Variants in CA9 observed in about 807,000 individuals in gnomAD.
The protein encoded by CA9 is carbonic anhydrase 9.
A neutral mutation model predicts 51.8 loss-of-function variants in CA9; 43 were observed. That is an observed-to-expected ratio of 0.83 (90% CI 0.65 to 1.07). The LOEUF is 1.07. Among genes scored for constraint, CA9 ranks in the 50% least tolerant of loss-of-function variants. CA9 has a pLI of 0.00. For synonymous variants in CA9, 253 were observed against 244.2 expected, an observed-to-expected ratio of 1.04 and a Z score of -0.34; for missense variants, 574 against 581.4, an observed-to-expected ratio of 0.99 and a Z score of 0.13.
chr9:35,675,864 C>G lies in CA9; in HGVS notation c.537C>G (p.Pro179=), dbSNP rs1247259944. ...CCGCCTTCTGCCCGGCCCTGCGCCC[C>G]CTGGAACTCCTGGGCTTCCAGCTCC... is the stretch of plus-strand genomic sequence containing the variant. ...QLAAFCPALR[P]LELLGFQLPP... The change falls in exon 3 of 11, where the codon CCC becomes CCG. Residue 179 remains proline (P), a synonymous_variant. Coordinates refer to ENST00000378357, the MANE Select transcript of CA9 (RefSeq NM_001216.3). 6 of 1,606,048 alleles carry G rather than the reference C, an allele frequency of 3.7e-6. No individual in the cohort carries two copies. Among genetic ancestry groups the G allele is most frequent in the Non-Finnish European group, 5.1e-6 (6 of 1,179,400 alleles).
At chr9:35,678,835 G>T (rs1587946450) in intron 6 of CA9, among the ~76,000 whole-genome samples, 1 of 151,036 alleles carries the variant, frequency 6.6e-6, no homozygotes, top group African/African-American at 2.4e-5. Flanking sequence ...TTTTTAATTT[G>T]CTCTGGGCTT....
At chr9:35,678,742 C>T (rs1196116662) in intron 6 of CA9, among the ~76,000 whole-genome samples, 1 of 141,908 alleles carries the variant, frequency 7.0e-6, no homozygotes, top group Non-Finnish European at 1.5e-5. Flanking sequence ...CAGGGTTTCA[C>T]CATATTGGCC....
chr9:35,680,943 C>G (rs1824537723), intron 10 of CA9, 22 bp from the exon 11 acceptor site: 6 of 1,613,662 alleles, frequency 3.7e-6, no homozygotes, highest in Non-Finnish European at 5.1e-6. Flanking sequence ...TCTGATTAGC[C>G]TTTCCTGTTG....
At chr9:35,680,292 C>T (rs899962652) in intron 9 of CA9, among the ~76,000 whole-genome samples, 153 bp downstream of exon 9, 3 of 152,208 alleles carry the variant, frequency 2.0e-5, no homozygotes. Flanking sequence ...TGGGGATTCC[C>T]CCATTGTCCC....
chr9:35,679,096 G>A, intron 6 of CA9, 89 bp from the exon 7 acceptor site: 2 of 1,425,736 alleles, frequency 1.4e-6, no homozygotes, highest in Non-Finnish European at 1.9e-6. Context: ...AGTTACCTTG[G>A]CTTCTGGGAG....
intron 2 of CA9, 86 bp from the exon 3 acceptor site, chr9:35,675,675 C>CGG: frequency 2.1e-6 from 3 of 1,413,862 alleles, no homozygotes; most frequent in African/African-American, 1.4e-5. Flanking sequence ...CGCCGCCCAC[C>CGG]GTCCCACCCC....
At position 35,680,773 on chromosome 9, in the gene CA9, T is replaced by A; in HGVS notation, c.1258T>A (p.Phe420Ile). 1 of 1,614,188 alleles carries A rather than the reference T, an allele frequency of 6.2e-7. No individual in the cohort carries two copies. The highest frequency in any genetic ancestry group is 8.5e-7 in the Non-Finnish European group (1 of 1,180,026). The change falls in exon 10 of 11, where the codon TTT becomes ATT. Residue 420 changes from phenylalanine (F) to isoleucine (I), a missense_variant. Phe to Ile is a conservative substitution (Grantham distance 21, BLOSUM62 0). Coordinates refer to ENST00000378357, the MANE Select transcript of CA9 (RefSeq NM_001216.3). ...LAAGDILALV[F>I]GLLFAVTSVA... is the part of the protein sequence containing the mutation. ...CGCAGGTGACATCCTAGCCCTGGTT[T>A]TTGGCCTCCTTTTTGCTGTCACCAG... is the stretch of plus-strand genomic sequence containing the variant.
intron 1 of CA9, 56 bp downstream of exon 1, chr9:35,674,418 C>G (rs1055207058): frequency 6.6e-7 from 1 of 1,513,432 alleles, no homozygotes; most frequent in African/African-American, 1.4e-5. Context: ...ACTCCCCTCC[C>G]ATACCCCAGC....
intron 2 of CA9, 80 bp from the exon 3 acceptor site, chr9:35,675,681 A>G: frequency 8.8e-6 from 6 of 682,422 alleles, no homozygotes; most frequent in East Asian, 4.2e-5. Flanking sequence ...CCACCGTCCC[A>G]CCCCCTCACC....
chr9:35,677,416 C>T (rs984805905), intron 5 of CA9, among the ~76,000 whole-genome samples: 11 of 152,016 alleles, frequency 7.2e-5, no homozygotes, highest in Non-Finnish European at 1.0e-4. Flanking sequence ...GGAGTATGTA[C>T]GGAGGCAGCA....
chr9:35,678,899 A>G (rs1191391777), intron 6 of CA9, among the ~76,000 whole-genome samples: 1 of 151,148 alleles, frequency 6.6e-6, no homozygotes, highest in Non-Finnish European at 1.5e-5. Flanking sequence ...GTGTAGACTC[A>G]GACGGTCTTT....
At position 35,676,203 on chromosome 9, in the gene CA9, C is replaced by A; in HGVS notation, c.744C>A (p.Ala248=). 1 of 1,611,696 alleles carries A rather than the reference C, an allele frequency of 6.2e-7. No homozygotes were observed. Among genetic ancestry groups the A allele is most frequent in the Non-Finnish European group, 8.5e-7 (1 of 1,178,828 alleles). ...EHTVEGHRFP[A]EIHVVHLSTA... ...CTGTGGAAGGCCACCGTTTCCCTGC[C>A]GAGGTGAGCGCGGAGCTGGCCGAGA... The change falls in exon 4 of 11, where the codon GCC becomes GCA. Residue 248 remains alanine, a synonymous_variant. Transcript: ENST00000378357.
intron 1 of CA9, chr9:35,674,575 G>C (rs1256116580): frequency 3.9e-6 from 2 of 518,624 alleles, no homozygotes; most frequent in South Asian, 3.0e-5. Context: ...CAAAAGGAGA[G>C]AGGTGAGCTG....
intron 8 of CA9, 31 bp downstream of exon 8, chr9:35,680,029 G>A: frequency 1.2e-6 from 2 of 1,614,200 alleles, no homozygotes; most frequent in Non-Finnish European, 1.7e-6. Context: ...CCCCCAGCCA[G>A]TAGTCCCTTA....
chr9:35,680,127 T>G lies in CA9; in HGVS notation c.1225T>G (p.Cys409Gly). 6.2e-7 allele frequency: 1 copy of G among 1,614,246 alleles called. No homozygotes were observed. Among genetic ancestry groups the G allele is most frequent in the Non-Finnish European group, 8.5e-7 (1 of 1,180,042 alleles). ...RAAEPVQLNSCLAAGDILALV... is the reference protein window; with the variant it reads ...RAAEPVQLNSGLAAGDILALV... ...TTTCTCTCCAGTCCAGCTGAATTCCTGCCTGGCTGCTGGTGAGTCTGCCCC... is the reference window on the plus strand; with the variant it reads ...TTTCTCTCCAGTCCAGCTGAATTCCGGCCTGGCTGCTGGTGAGTCTGCCCC... Residue 409 changes from cysteine to glycine, a missense_variant, in exon 9 of 11, where the codon TGC (cysteine) becomes GGC (glycine). Cys to Gly is a radical substitution (Grantham distance 159). Transcript: ENST00000378357.
At chr9:35,678,473 A>G (rs544849416) in intron 6 of CA9, among the ~76,000 whole-genome samples, 1 of 152,030 alleles carries the variant, frequency 6.6e-6, no homozygotes, top group African/African-American at 2.4e-5. Context: ...AGAACTGTTT[A>G]TCTTTAATAA....
At chr9:35,676,012 G>T in intron 3 of CA9, 52 bp from the exon 4 acceptor site, 1 of 1,606,652 alleles carries the variant, frequency 6.2e-7, no homozygotes, top group Non-Finnish European at 8.5e-7. Flanking sequence ...CTGCCCGGGG[G>T]TTGGGCTGGC....
chr9:35,677,874 G>A lies in CA9; in HGVS notation c.907+18G>A, dbSNP rs1282994932. ...TGAGGAAGGTCAGTTTGTTGGTCTG[G>A]CCACTAATCTCTGTGGCCTAGTTCA... On this transcript the variant is annotated intron_variant, in intron 6 of 10. Coordinates refer to ENST00000378357, the MANE Select transcript of CA9 (RefSeq NM_001216.3). The A allele has an allele frequency of 6.2e-7, 1 of 1,610,362 alleles. No homozygotes were observed. The highest frequency in any genetic ancestry group is 2.2e-5 in the East Asian group (1 of 44,870).
Position 35,674,125 on chromosome 9 carries a change from G to A in CA9, c.166G>A (p.Glu56Lys), listed in dbSNP as rs752590786. ...DSPLGGGSSGEDDPLGEEDLP... is the reference protein window; with the variant it reads ...DSPLGGGSSGKDDPLGEEDLP... ...CCCCTTGGGAGGAGGCTCTTCTGGG[G>A]AAGATGACCCACTGGGCGAGGAGGA... Residue 56 changes from glutamate (E) to lysine (K), a missense_variant, in exon 1 of 11, where the codon GAA (glutamate) becomes AAA (lysine). Transcript: ENST00000378357. 13 of 1,614,062 alleles carry A rather than the reference G, an allele frequency of 8.1e-6. No individual in the cohort carries two copies. The African/African-American group carries it at 1.6e-4, about 20-fold the overall frequency.
Sources: allele counts gnomAD v4.1 joint callset (sites outside exome capture counted in the v4.1 genomes callset), GRCh38; gene constraint gnomAD v4.1.1; transcripts MANE v1.5; gene names NCBI Gene and HGNC (gene_info 2026-07-23, HGNC 2026-07-21).